The following SERPINE2 variants were observed in gnomAD, a reference collection of about 807,000 sequenced individuals.
SERPINE2 encodes the protein glia-derived nexin.
Under a neutral mutation model 36.3 loss-of-function variants are expected in SERPINE2, and 14 were observed. The observed-to-expected ratio is 0.39, with a 90% CI of 0.25 to 0.60. The LOEUF (loss-of-function observed/expected upper bound fraction) is 0.60. Ranked by LOEUF, SERPINE2 falls within the 20% of genes least tolerant of loss-of-function variation. The pLI is 0.57. For missense variants in SERPINE2, 418 were observed against 499.6 expected (o/e 0.84, Z 1.56); for synonymous variants, 192 against 191.8 (o/e 1.00, Z -0.01).
chr2:224,004,229 G>A (rs942555855), intron 1 of SERPINE2, among the ~76,000 whole-genome samples: 14 of 152,266 alleles, frequency 9.2e-5, no homozygotes, highest in South Asian at 2.1e-4. Context: ...CCATCACATC[G>A]AGCAAGGACT....
intron 6 of SERPINE2, chr2:223,980,648 A>G (rs1574808275): frequency 4.7e-6 from 2 of 421,118 alleles, no homozygotes; most frequent in East Asian, 8.8e-5. Context: ...TAGTGCCTCT[A>G]TCAATTCAAT....
intron 1 of SERPINE2, among the ~76,000 whole-genome samples, chr2:224,012,156 T>G (rs879880005): frequency 6.6e-6 from 1 of 152,202 alleles, no homozygotes; most frequent in Non-Finnish European, 1.5e-5. Context: ...ATTTCTTGCT[T>G]GGTTTCTTCC....
At chr2:223,990,932 TGTGCCACTGTAG>T (rs1313817954) in intron 4 of SERPINE2, among the ~76,000 whole-genome samples, 2 of 152,210 alleles carry the variant, frequency 1.3e-5, no homozygotes, top group Non-Finnish European at 2.9e-5. Flanking sequence ...GAGCCATGTT[TGTGCCACTGTAG>T]TCTAGCCTGG....
chr2:224,014,745 T>C (rs1376245700), intron 1 of SERPINE2, among the ~76,000 whole-genome samples: 11 of 152,206 alleles, frequency 7.2e-5, no homozygotes, highest in Non-Finnish European at 1.5e-4. Context: ...GAAGTCAGGG[T>C]AGCATTTCCA....
chr2:223,998,171 T>C lies in SERPINE2; in HGVS notation c.431A>G (p.Glu144Gly), dbSNP rs1690968000. The change falls in exon 3 of 9, where the codon GAG (glutamate) becomes GGG (glycine). Residue 144 changes from glutamate to glycine, a missense_variant. Glu to Gly is a moderately conservative substitution (Grantham distance 98, BLOSUM62 -2). Coordinates refer to ENST00000409304, the MANE Select transcript of SERPINE2 (RefSeq NM_001136528.2). ...GGAATCACAGGCAGAGGCTGGATCC[T>C]CAAAGTTCACATTCCGGACCTCACA... The part of the protein sequence containing the change: ...FQCEVRNVNF[E>G]DPASACDSIN... 6.2e-7 allele frequency: 1 copy of C among 1,614,118 alleles called. No homozygotes were observed.
At chr2:223,999,932 C>A (rs1246191414) in intron 2 of SERPINE2, among the ~76,000 whole-genome samples, 1 of 152,098 alleles carries the variant, frequency 6.6e-6, no homozygotes, top group Non-Finnish European at 1.5e-5. Context: ...GAGTGTGTTC[C>A]AAGTATTTAG....
At chr2:223,991,184 G>C (rs1317658194) in intron 4 of SERPINE2, among the ~76,000 whole-genome samples, 1 of 151,990 alleles carries the variant, frequency 6.6e-6, no homozygotes, top group African/African-American at 2.4e-5. Context: ...ATAAATCTAA[G>C]TCTCATGATC....
intron 4 of SERPINE2, among the ~76,000 whole-genome samples, chr2:223,988,941 C>G (rs1690540421): frequency 6.6e-6 from 1 of 152,152 alleles, no homozygotes; most frequent in South Asian, 2.1e-4. Context: ...ACAGTACAAT[C>G]CTATGTATGT....
At chr2:223,976,300 A>T (rs1189554229) in intron 8 of SERPINE2, among the ~76,000 whole-genome samples, 10 of 152,164 alleles carry the variant, frequency 6.6e-5, no homozygotes, top group Non-Finnish European at 7.4e-5. Context: ...ACAGGCACCC[A>T]CCACCACTGC....
At chr2:224,014,675 A>G (rs1347108513) in intron 1 of SERPINE2, among the ~76,000 whole-genome samples, 1 of 152,190 alleles carries the variant, frequency 6.6e-6, no homozygotes, top group African/African-American at 2.4e-5. Flanking sequence ...CCACCTGAAT[A>G]CAGAAGACTC....
intron 7 of SERPINE2, chr2:223,979,569 A>G (rs1275388137): frequency 2.0e-5 from 3 of 152,064 alleles, no homozygotes; most frequent in Non-Finnish European, 4.4e-5. Context: ...CTATTCATCT[A>G]TTTTCCTACG....
At chr2:224,031,393 C>T (rs1477995995) in intron 1 of SERPINE2, 13 of 985,390 alleles carry the variant, frequency 1.3e-5, no homozygotes, top group African/African-American at 1.7e-5. Context: ...ATAGAGATTC[C>T]GTTGGGGGGA....
chr2:224,018,508 T>C (rs919660381), intron 1 of SERPINE2, among the ~76,000 whole-genome samples: 2 of 151,182 alleles, frequency 1.3e-5, no homozygotes, highest in Non-Finnish European at 2.9e-5. Flanking sequence ...GGAAAGCCTG[T>C]AACAATGGTA....
chr2:223,997,008 T>C (rs533286134), intron 3 of SERPINE2, among the ~76,000 whole-genome samples: 1 of 152,154 alleles, frequency 6.6e-6, no homozygotes, highest in South Asian at 2.1e-4. Context: ...GCCCAGGAGG[T>C]TGAGGCTGCA....
At chr2:224,008,059 T>C (rs1044559157) in intron 1 of SERPINE2, among the ~76,000 whole-genome samples, 2 of 152,240 alleles carry the variant, frequency 1.3e-5, no homozygotes, top group Non-Finnish European at 1.5e-5. Flanking sequence ...ACAGTTATTA[T>C]GTGGCCCTCT....
intron 1 of SERPINE2, among the ~76,000 whole-genome samples, chr2:224,026,317 C>T (rs1692181970): frequency 6.6e-6 from 1 of 152,230 alleles, no homozygotes; most frequent in Admixed American, 6.5e-5. Context: ...CTAGCACTAC[C>T]TTAACTAATT....
intron 4 of SERPINE2, among the ~76,000 whole-genome samples, chr2:223,987,619 G>C (rs1314314069): frequency 6.6e-6 from 1 of 152,180 alleles, no homozygotes; most frequent in Admixed American, 6.5e-5. Flanking sequence ...AGAAAATAAG[G>C]ATTTTCTCTT....
intron 1 of SERPINE2, among the ~76,000 whole-genome samples, chr2:224,029,674 T>G (rs1692294244): frequency 6.6e-6 from 1 of 152,142 alleles, no homozygotes; most frequent in Admixed American, 6.6e-5. Context: ...ACCAAATAGA[T>G]TATTTTTCCT....
intron 1 of SERPINE2, among the ~76,000 whole-genome samples, chr2:224,023,006 T>C (rs1692063137): frequency 6.6e-6 from 1 of 152,206 alleles, no homozygotes; most frequent in South Asian, 2.1e-4. Flanking sequence ...TCCACCATGA[T>C]TGTAAGTTTC....
Sources: gnomAD v4.1 joint callset for allele counts (sites outside exome capture counted in the v4.1 genomes callset) on GRCh38, gnomAD v4.1.1 for gene constraint, MANE v1.5 for transcripts, NCBI Gene and HGNC (gene_info 2026-07-23, HGNC 2026-07-21) for gene names.